GPX3: variants seen among roughly 807,000 people sequenced by gnomAD.
The protein encoded by GPX3 is GPx-3.
Under a neutral mutation model 25.1 loss-of-function variants are expected in GPX3, and 22 were observed. The observed-to-expected ratio is 0.88, with a 90% CI of 0.63 to 1.25. GPX3 has a LOEUF of 1.25. Among genes scored for constraint, GPX3 ranks in the 50% most tolerant of loss-of-function variants. The pLI, the probability that GPX3 is intolerant of heterozygous loss-of-function variation, is 0.00. For synonymous variants in GPX3, 110 were observed against 114.5 expected, an observed-to-expected ratio of 0.96 and a Z score of 0.25; for missense variants, 278 against 286.6, an observed-to-expected ratio of 0.97 and a Z score of 0.22.
At chr5:151,023,883 C>G (rs1756511146) in intron 1 of GPX3, among the ~76,000 whole-genome samples, 1 of 152,246 alleles carries the variant, frequency 6.6e-6, no homozygotes, top group Admixed American at 6.5e-5. Flanking sequence ...AGAGAGCTTG[C>G]AGCTGCCAGG....
chr5:151,027,732 A>C, intron 4 of GPX3, 177 bp from the exon 5 acceptor site: 1 of 704,088 alleles, frequency 1.4e-6, no homozygotes, highest in Non-Finnish European at 2.5e-6. Flanking sequence ...AGAAGGACCC[A>C]GAGTGAACAT....
intron 4 of GPX3, 35 bp downstream of exon 4, chr5:151,027,566 C>T: frequency 7.3e-7 from 1 of 1,365,788 alleles, no homozygotes; most frequent in Admixed American, 1.7e-5. Context: ...GCTGGGGCTG[C>T]AGCCCCTCCT....
chr5:151,025,084 T>G (rs571630616), intron 1 of GPX3, among the ~76,000 whole-genome samples: 1 of 152,342 alleles, frequency 6.6e-6, no homozygotes, highest in African/African-American at 2.4e-5. Flanking sequence ...TATTAATAAG[T>G]GCTTATTAGG....
chr5:151,024,145 C>CCATT (rs1199035087), intron 1 of GPX3, among the ~76,000 whole-genome samples: 4 of 152,220 alleles, frequency 2.6e-5, no homozygotes, highest in Non-Finnish European at 4.4e-5. Flanking sequence ...ACTTTGCATT[C>CCATT]CATTTGTTTA....
intron 1 of GPX3, chr5:151,021,158 C>G (rs1371521340): frequency 4.2e-6 from 1 of 238,390 alleles, no homozygotes; most frequent in Non-Finnish European, 8.3e-6. Flanking sequence ...TGCAAGTTCC[C>G]AGGGAGAGAG....
chr5:151,022,314 G>A (rs561831267), intron 1 of GPX3, among the ~76,000 whole-genome samples: 4 of 152,210 alleles, frequency 2.6e-5, no homozygotes, highest in Non-Finnish European at 5.9e-5. Context: ...ACTCATCATA[G>A]CTGTGTCTTC....
chr5:151,021,355 G>A (rs1444592472), intron 1 of GPX3: 2 of 152,970 alleles, frequency 1.3e-5, no homozygotes, highest in Admixed American at 1.3e-4. Flanking sequence ...TCAGGACCCT[G>A]AGTCCTTACC....
chr5:151,023,911 A>G (rs1323529320), intron 1 of GPX3, among the ~76,000 whole-genome samples: 1 of 152,188 alleles, frequency 6.6e-6, no homozygotes, highest in Admixed American at 6.5e-5. Context: ...CTGGCGGAGG[A>G]AGCGCAGCCT....
chr5:151,027,505 G>C lies in GPX3; in HGVS notation c.433G>C (p.Glu145Gln), dbSNP rs558592006. ...FEKGDVNGEK[E>Q]QKFYTFLKNS... is the part of the protein sequence containing the mutation. ...GAAAGGGGATGTCAATGGAGAGAAA[G>C]AGCAGAAATTCTACACTTTCCTAAA... Residue 145 changes from glutamate to glutamine, a missense_variant, in exon 4 of 5, where the codon GAG (glutamate) becomes CAG (glutamine). By Grantham distance (29) the Glu-to-Gln change is conservative (BLOSUM62 2). Coordinates refer to ENST00000388825, the MANE Select transcript of GPX3 (RefSeq NM_002084.5). 8.1e-6 allele frequency: 13 copies of C among 1,612,816 alleles called. No homozygotes were observed. In the South Asian group the frequency reaches 1.1e-4, roughly 14 times the overall value.
rs916465080 is a variant in GPX3 at position 151,027,598 on chromosome 5, G to A, written c.459+67G>A. 6.8e-6 allele frequency: 7 copies of A among 1,022,160 alleles called. No homozygotes were observed. The Admixed American group carries it at 1.3e-4, about 19-fold the overall frequency. 63.3% of individuals were successfully genotyped at this position (1,022,160 alleles called of 1,614,324 possible). The stretch of plus-strand genomic sequence containing the variant: ...TCCTGGCTCCAGCCCACAGCGTCAG[G>A]GCCCATGCCACCTCCCCTGCTCCTG... On this transcript the variant is annotated intron_variant, in intron 4 of 4. Transcript: ENST00000388825.
At chr5:151,022,639 G>A (rs1167221161) in intron 1 of GPX3, among the ~76,000 whole-genome samples, 2 of 152,146 alleles carry the variant, frequency 1.3e-5, no homozygotes, top group Non-Finnish European at 2.9e-5. Context: ...AATTGAAAGG[G>A]AGATGCTAGG....
In GPX3 at chr5:151,020,710, T is replaced by A. The variant is rs375877920; in HGVS notation, c.56T>A (p.Val19Asp). 139 of 1,611,608 alleles carry A rather than the reference T, an allele frequency of 8.6e-5. No homozygotes were observed. The highest frequency in any genetic ancestry group is 1.1e-4 in the Non-Finnish European group (134 of 1,179,322). Residue 19 changes from valine to aspartate, a missense_variant, in exon 1 of 5, where the codon GTC becomes GAC. Val to Asp is a radical substitution (Grantham distance 152). Coordinates refer to ENST00000388825, the MANE Select transcript of GPX3 (RefSeq NM_002084.5). ...CTTTCCCTGCTCCTGGCCGGCTTCG[T>A]CTCGCAGAGCCGGGGACAAGAGAAG... ...CLLSLLLAGF[V>D]SQSRGQEKSK... is the part of the protein sequence containing the mutation.
At chr5:151,020,772 G>C (rs777390654) in intron 1 of GPX3, 31 bp downstream of exon 1, 2 of 1,588,564 alleles carry the variant, frequency 1.3e-6, no homozygotes, top group East Asian at 4.5e-5. Flanking sequence ...GGGGCCGGGA[G>C]AAAAAACCTA....
At chr5:151,025,540 T>C in intron 2 of GPX3, 47 bp downstream of exon 2, 1 of 1,499,632 alleles carries the variant, frequency 6.7e-7, no homozygotes, top group Non-Finnish European at 9.0e-7. Flanking sequence ...CTGTATGGCA[T>C]ATTTCAATCA....
In GPX3 at chr5:151,028,358, T is replaced by C; in HGVS notation, c.*228T>C. ...CTACAGGTATGCGTGATTGTGTGTGTGTGCATGGGTGTACAGCCACGTGTC... is the reference window on the plus strand; with the variant it reads ...CTACAGGTATGCGTGATTGTGTGTGCGTGCATGGGTGTACAGCCACGTGTC... On this transcript the variant is annotated 3_prime_UTR_variant, in exon 5 of 5. Coordinates refer to ENST00000388825, the MANE Select transcript of GPX3 (RefSeq NM_002084.5). 1.8e-6 allele frequency: 1 copy of C among 553,682 alleles called. No homozygotes were observed. Among genetic ancestry groups the C allele is most frequent in the Non-Finnish European group, 3.3e-6 (1 of 305,216 alleles). The allele number at this position is 553,682 out of a possible 1,614,324, so 34.3% of individuals were successfully genotyped here. A position where few individuals can be genotyped will look rare whatever the true frequency, so the allele number is the denominator to read the frequency against.
At chr5:151,026,763 G>A (rs1756554408) in intron 2 of GPX3, 137 bp from the exon 3 acceptor site, 1 of 662,176 alleles carries the variant, frequency 1.5e-6, no homozygotes, top group Non-Finnish European at 2.7e-6. Context: ...GAACTCACTG[G>A]TGATCCTGCG....
Position 151,020,661 on chromosome 5 carries a change from C to G in GPX3, c.7C>G (p.Arg3Gly), listed in dbSNP as rs1285059823. ...AGTGTGCCCCCACCCCGCCATGGCC[C>G]GGCTGCTGCAGGCGTCCTGCCTGCT... is the stretch of plus-strand genomic sequence containing the variant. MA[R>G]LLQASCLLSL... The change falls in exon 1 of 5, where the codon CGG becomes GGG. Residue 3 changes from arginine to glycine, a missense_variant. By Grantham distance (125) the Arg-to-Gly change is moderately radical. Transcript: ENST00000388825. 6.2e-7 allele frequency: 1 copy of G among 1,608,592 alleles called. No homozygotes were observed. Among genetic ancestry groups the G allele is most frequent in the Non-Finnish European group, 8.5e-7 (1 of 1,178,160 alleles).
At chr5:151,026,142 C>CAG (rs1291750096) in intron 2 of GPX3, among the ~76,000 whole-genome samples, 60 of 152,170 alleles carry the variant, frequency 3.9e-4, no homozygotes, top group Non-Finnish European at 5.9e-4. Flanking sequence ...CTCCTTTCTC[C>CAG]CTAGCTGGGG....
chr5:151,028,191 C>A lies in GPX3; in HGVS notation c.*61C>A, dbSNP rs759433833. On this transcript the variant is annotated 3_prime_UTR_variant, in exon 5 of 5. Transcript: ENST00000388825. ...GGAGGGACTTTGTTCAGGAAGAAAT[C>A]CGTGTCTCCAACCACACTATCTACC... 4.2e-6 allele frequency: 6 copies of A among 1,440,506 alleles called. No individual in the cohort carries two copies. The African/African-American group carries it at 7.0e-5, about 17-fold the overall frequency. 89.2% of individuals were successfully genotyped at this position (1,440,506 alleles called of 1,614,324 possible).
Sources: gnomAD v4.1 joint callset for allele counts (sites outside exome capture counted in the v4.1 genomes callset) on GRCh38, gnomAD v4.1.1 for gene constraint, MANE v1.5 for transcripts, NCBI Gene and HGNC (gene_info 2026-07-23, HGNC 2026-07-21) for gene names.